BTRC: variants seen among roughly 807,000 people sequenced by gnomAD.
The protein encoded by BTRC is beta-transducin repeat containing E3 ubiquitin protein ligase.
A neutral mutation model predicts 85.5 loss-of-function variants in BTRC; 42 were observed. The ratio of observed to expected loss-of-function variants is 0.49; its 90% confidence interval spans 0.38 to 0.64. BTRC has a LOEUF of 0.64. Ranked by LOEUF, BTRC falls within the 30% of genes least tolerant of loss-of-function variation. The pLI is 0.00. For missense variants in BTRC, 594 were observed against 743.5 expected (o/e 0.80, Z 2.34); for synonymous variants, 255 against 263.3 (o/e 0.97, Z 0.30).
intron 1 of BTRC, among the ~76,000 whole-genome samples, chr10:101,391,767 C>T (rs926633281): frequency 6.6e-6 from 1 of 152,014 alleles, no homozygotes; most frequent in Non-Finnish European, 1.5e-5. Context: ...TCATTAGCTA[C>T]TATATTAAGG....
chr10:101,478,603 C>T (rs1243902054), intron 3 of BTRC, among the ~76,000 whole-genome samples: 1 of 151,490 alleles, frequency 6.6e-6, no homozygotes, highest in Admixed American at 6.6e-5. Flanking sequence ...CCAGTTTAGG[C>T]AACATGGCAA....
At position 101,460,702 on chromosome 10, in the gene BTRC, ATC is replaced by A. The variant is rs1361077982; in HGVS notation, c.157-1277_157-1276del. On this transcript the variant is annotated intron_variant, in intron 2 of 14. Transcript: ENST00000370187. Reference sequence around the variant, plus strand: ...CTCTCAGTATCTTTCAAAATGTAATATCTAATAGAAACCAAAAAAGTGAAATT... The same window carrying A: ...CTCTCAGTATCTTTCAAAATGTAATATAATAGAAACCAAAAAAGTGAAATT... 2.0e-5 allele frequency among the ~76,000 whole-genome samples: 3 copies of A among 152,222 alleles called. No homozygotes were observed. The East Asian group carries it at 5.8e-4, about 29-fold the overall frequency.
At chr10:101,366,924 ATATT>A (rs1164379025) in intron 1 of BTRC, among the ~76,000 whole-genome samples, 1 of 22,016 alleles carries the variant, frequency 4.5e-5, no homozygotes, top group African/African-American at 2.6e-4. Flanking sequence ...ATATTTATAT[ATATT>A]TATATATATT....
At chr10:101,523,734 C>G (rs190291271) in intron 5 of BTRC, among the ~76,000 whole-genome samples, 1 of 152,174 alleles carries the variant, frequency 6.6e-6, no homozygotes, top group Non-Finnish European at 1.5e-5. Flanking sequence ...ACCATTTTTT[C>G]TTAATACATT....
chr10:101,549,438 AATGATG>A (rs2062611125), intron 13 of BTRC, among the ~76,000 whole-genome samples: 1 of 151,804 alleles, frequency 6.6e-6, no homozygotes, highest in African/African-American at 2.4e-5. Flanking sequence ...CTCTAAAAAA[AATGATG>A]ATGATGACAC....
chr10:101,525,434 T>C (rs2062176095), intron 5 of BTRC, among the ~76,000 whole-genome samples: 1 of 152,220 alleles, frequency 6.6e-6, no homozygotes, highest in South Asian at 2.1e-4. Context: ...TAAACATACA[T>C]CTCTGTCTTT....
At chr10:101,377,499 T>G (rs1480572941) in intron 1 of BTRC, among the ~76,000 whole-genome samples, 2 of 152,206 alleles carry the variant, frequency 1.3e-5, no homozygotes, top group Non-Finnish European at 1.5e-5. Context: ...CCACAAGCAA[T>G]GGGTGAGAGT....
chr10:101,545,577 A>T (rs757942971), intron 13 of BTRC, among the ~76,000 whole-genome samples: 12 of 152,194 alleles, frequency 7.9e-5, no homozygotes, highest in Non-Finnish European at 1.5e-4. Flanking sequence ...TTAAAACAAG[A>T]GGAGATTGGG....
intron 5 of BTRC, among the ~76,000 whole-genome samples, chr10:101,522,071 C>CGACA (rs1362000104): frequency 9.4e-6 from 1 of 106,440 alleles, no homozygotes; most frequent in Non-Finnish European, 1.7e-5. Flanking sequence ...CTTGCCCTGT[C>CGACA]GCCCAGGCTG....
intron 1 of BTRC, among the ~76,000 whole-genome samples, chr10:101,401,424 A>G (rs143506618): frequency 6.6e-6 from 1 of 152,300 alleles, no homozygotes; most frequent in East Asian, 1.9e-4. Flanking sequence ...TTTGCTTACT[A>G]AGATGGTTGA....
intron 1 of BTRC, among the ~76,000 whole-genome samples, chr10:101,366,976 T>TAATA (rs1554862324): frequency 5.1e-5 from 3 of 58,806 alleles, no homozygotes; most frequent in East Asian, 3.3e-4. Context: ...AAATATATAT[T>TAATA]TATATATTTA....
At chr10:101,472,698 C>T (rs559238537) in intron 3 of BTRC, among the ~76,000 whole-genome samples, 33 of 152,206 alleles carry the variant, frequency 2.2e-4, no homozygotes, top group African/African-American at 7.9e-4. Flanking sequence ...ACCTGTAGTC[C>T]CAGCTACTTG....
chr10:101,467,531 G>T (rs556881018), intron 3 of BTRC, among the ~76,000 whole-genome samples: 1 of 152,092 alleles, frequency 6.6e-6, no homozygotes, highest in Admixed American at 6.5e-5. Flanking sequence ...TAGGCAAGGT[G>T]TAATTGCAAT....
intron 4 of BTRC, among the ~76,000 whole-genome samples, chr10:101,504,083 C>A (rs1372399770): frequency 2.0e-5 from 3 of 152,102 alleles, no homozygotes; most frequent in African/African-American, 7.2e-5. Context: ...GTAAGTTGGG[C>A]AGAAGACTCT....
intron 1 of BTRC, among the ~76,000 whole-genome samples, chr10:101,354,928 G>T (rs1941990989): frequency 6.6e-6 from 1 of 152,144 alleles, no homozygotes; most frequent in Non-Finnish European, 1.5e-5. Context: ...GAGGGGAAAA[G>T]GGTGTTGACT....
chr10:101,543,604 GT>G (rs2062509335), intron 13 of BTRC, among the ~76,000 whole-genome samples: 1 of 142,898 alleles, frequency 7.0e-6, no homozygotes, highest in Non-Finnish European at 1.5e-5. Flanking sequence ...GTTACCTCCT[GT>G]TTTCATGCTC....
chr10:101,472,287 C>CTCTTCTCTTCTCTTCTCTTA (rs1420598333), intron 3 of BTRC, among the ~76,000 whole-genome samples: 29 of 145,848 alleles, frequency 2.0e-4, no homozygotes, highest in African/African-American at 7.2e-4. Flanking sequence ...CTCTTCTCTT[C>CTCTTCTCTTCTCTTCTCTTA]TCTTCTCTTC....
rs557226855 is a variant in BTRC at position 101,393,972 on chromosome 10, G to A, written c.49-36373G>A. ...TGTAATGCAGACTTCGTAGACTGTA[G>A]AGCATGTCCCTCTAAAACTGAGTGT... On this transcript the variant is annotated intron_variant, in intron 1 of 14. Transcript: ENST00000370187. Among the ~76,000 whole-genome samples, 4 of 152,302 alleles carry A rather than the reference G, an allele frequency of 2.6e-5. No individual in the cohort carries two copies. The South Asian group carries it at 8.3e-4, about 32-fold the overall frequency.
chr10:101,542,064 A>G (rs1359846104), intron 13 of BTRC, among the ~76,000 whole-genome samples: 1 of 152,194 alleles, frequency 6.6e-6, no homozygotes. Flanking sequence ...TCTTTGTGGA[A>G]AGTTTTAATT....
Sources: gnomAD v4.1 joint callset for allele counts (sites outside exome capture counted in the v4.1 genomes callset) on GRCh38, gnomAD v4.1.1 for gene constraint, MANE v1.5 for transcripts, NCBI Gene and HGNC (gene_info 2026-07-23, HGNC 2026-07-21) for gene names.